The following RSF1 variants were observed in gnomAD, a reference collection of about 807,000 sequenced individuals.
RSF1 encodes the protein remodeling and spacing factor 1.
Under a neutral mutation model 145.2 loss-of-function variants are expected in RSF1, and 13 were observed. That is an observed-to-expected ratio of 0.09 (90% confidence interval 0.06 to 0.14). The LOEUF is 0.14. Ranked by LOEUF, RSF1 falls within the 10% of genes least tolerant of loss-of-function variation. The probability of loss-of-function intolerance (pLI) is 1.00; values close to 1 mark genes in which losing one functional copy is unlikely to be tolerated. For synonymous variants in RSF1, 577 were observed against 592.6 expected, an observed-to-expected ratio of 0.97 and a Z score of 0.38; for missense variants, 1,517 against 1,718.2, an observed-to-expected ratio of 0.88 and a Z score of 2.07.
At chr11:77,680,303 G>A (rs1959823784) in intron 11 of RSF1, among the ~76,000 whole-genome samples, 1 of 151,920 alleles carries the variant, frequency 6.6e-6, no homozygotes, top group East Asian at 1.9e-4. Flanking sequence ...AGCCAGGTGT[G>A]GTGATGTGTG....
At chr11:77,866,059 A>G in the RSF1 span, among the ~76,000 whole-genome samples, 1 of 152,230 alleles carries the variant, frequency 6.6e-6, no homozygotes. Flanking sequence ...TTTATCAGCA[A>G]TACAGCCAGA....
At chr11:77,735,095 TG>T in intron 4 of RSF1, 4 of 897,338 alleles carry the variant, frequency 4.5e-6, no homozygotes, top group Non-Finnish European at 5.3e-6. Flanking sequence ...GCAGGGGCCT[TG>T]GGGCGGTCTG....
chr11:77,740,001 G>A (rs1961468970), intron 4 of RSF1, among the ~76,000 whole-genome samples: 1 of 152,236 alleles, frequency 6.6e-6, no homozygotes, highest in South Asian at 2.1e-4. Context: ...AGAAATGTAT[G>A]CACAGCAAAT....
At chr11:77,843,868 A>G in the RSF1 span, among the ~76,000 whole-genome samples, 1 of 152,182 alleles carries the variant, frequency 6.6e-6, no homozygotes, top group Admixed American at 6.5e-5. Flanking sequence ...GGCAGAAGGC[A>G]AGGAGGAGCA....
intron 5 of RSF1, among the ~76,000 whole-genome samples, chr11:77,708,117 C>T (rs1960595850): frequency 6.6e-6 from 1 of 152,144 alleles, no homozygotes; most frequent in African/African-American, 2.4e-5. Flanking sequence ...ATCAGATCTG[C>T]ACTTCAGAAA....
chr11:77,697,695 T>A (rs191856777), intron 7 of RSF1, among the ~76,000 whole-genome samples: 33 of 151,350 alleles, frequency 2.2e-4, no homozygotes, highest in East Asian at 1.7e-3. Context: ...TTAAAAAAAA[T>A]TTTTTATGTT....
chr11:77,757,826 A>G (rs1565171775), intron 2 of RSF1, among the ~76,000 whole-genome samples: 1 of 152,242 alleles, frequency 6.6e-6, no homozygotes, highest in Non-Finnish European at 1.5e-5. Flanking sequence ...ACGCTGTGGC[A>G]GAGGATATTC....
At position 77,724,850 on chromosome 11, in the gene RSF1, G is replaced by C. The variant is rs979673052; in HGVS notation, c.733+695C>G. Among the ~76,000 whole-genome samples, 3 of 152,206 alleles carry C rather than the reference G, an allele frequency of 2.0e-5. No individual in the cohort carries two copies. The East Asian group carries it at 5.8e-4, about 29-fold the overall frequency. The stretch of plus-strand genomic sequence containing the variant: ...CTCACTGGAGTGGTAATGCTCACTC[G>C]TCCCTGCTCACCTCCTGCTGTGCAA... On this transcript the variant is annotated intron_variant, in intron 5 of 15. Transcript: ENST00000308488.
At chr11:77,799,353 CA>C (rs1948604897) in intron 1 of RSF1, among the ~76,000 whole-genome samples, 1 of 151,666 alleles carries the variant, frequency 6.6e-6, no homozygotes, top group African/African-American at 2.4e-5. Flanking sequence ...ATAAAAAATA[CA>C]AAAATTAGCC....
At chr11:77,729,895 CAAAAAAAAAAAAAA>C (rs398045289) in intron 4 of RSF1, among the ~76,000 whole-genome samples, 1 of 48,936 alleles carries the variant, frequency 2.0e-5, no homozygotes, top group Admixed American at 2.6e-4. Context: ...ATTCAGTAGG[CAAAAAAAAAAAAAA>C]AAAAAAAAAA....
At chr11:77,774,573 A>AAAT (rs1948321235) in intron 1 of RSF1, among the ~76,000 whole-genome samples, 15 of 133,056 alleles carry the variant, frequency 1.1e-4, no homozygotes, top group Admixed American at 2.3e-4. Flanking sequence ...TCTGTCTCAA[A>AAAT]AAATAAATAA....
the RSF1 span, among the ~76,000 whole-genome samples, chr11:77,828,146 G>A: frequency 2.6e-5 from 4 of 152,026 alleles, no homozygotes; most frequent in East Asian, 1.9e-4. Flanking sequence ...ATGGTGATGC[G>A]CACCTGTAAT....
intron 3 of RSF1, among the ~76,000 whole-genome samples, chr11:77,742,696 A>C (rs1590862339): frequency 6.6e-6 from 1 of 152,292 alleles, no homozygotes; most frequent in South Asian, 2.1e-4. Flanking sequence ...AAAATGCATT[A>C]CCCTGATAAT....
intron 1 of RSF1, among the ~76,000 whole-genome samples, chr11:77,779,266 G>A (rs1012706287): frequency 6.6e-6 from 1 of 152,096 alleles, no homozygotes; most frequent in Non-Finnish European, 1.5e-5. Flanking sequence ...GGAGTGAAGT[G>A]GTGTGATCAT....
intron 4 of RSF1, among the ~76,000 whole-genome samples, chr11:77,733,119 T>C (rs956863775): frequency 6.6e-6 from 1 of 152,200 alleles, no homozygotes; most frequent in African/African-American, 2.4e-5. Flanking sequence ...TATGGGATAA[T>C]AGTTTGTTAA....
intron 2 of RSF1, among the ~76,000 whole-genome samples, chr11:77,759,683 T>A (rs2135933114): frequency 6.6e-6 from 1 of 152,164 alleles, no homozygotes; most frequent in South Asian, 2.1e-4. Context: ...CAAGACTCCA[T>A]CTCAAAAAGA....
At chr11:77,748,171 G>C (rs1314530777) in intron 2 of RSF1, among the ~76,000 whole-genome samples, 1 of 149,386 alleles carries the variant, frequency 6.7e-6, no homozygotes, top group East Asian at 2.0e-4. Flanking sequence ...TATAGAAAAA[G>C]AATACAAAAC....
chr11:77,674,064 A>T (rs191286558), intron 14 of RSF1, among the ~76,000 whole-genome samples: 181 of 152,366 alleles, frequency 1.2e-3, no homozygotes, highest in African/African-American at 4.0e-3. Context: ...TAATAGCATT[A>T]TATCAATGTT....
chr11:77,843,063 T>C, the RSF1 span, among the ~76,000 whole-genome samples: 1 of 152,200 alleles, frequency 6.6e-6, no homozygotes, highest in African/African-American at 2.4e-5. Context: ...TTCTGGGTTA[T>C]ATAGTGTTTA....
Sources: allele counts gnomAD v4.1 joint callset (sites outside exome capture counted in the v4.1 genomes callset), GRCh38; gene constraint gnomAD v4.1.1; transcripts MANE v1.5; gene names NCBI Gene and HGNC (gene_info 2026-07-23, HGNC 2026-07-21).